MALRD1: variants seen among roughly 807,000 people sequenced by gnomAD.
MALRD1 encodes the protein MAM and LDL-receptor class A domain-containing protein 1.
MALRD1 carries 247 observed loss-of-function variants against 242.1 expected under a neutral mutation model. The observed-to-expected ratio is 1.02, with a 90% confidence interval of 0.92 to 1.13. The LOEUF (loss-of-function observed/expected upper bound fraction) is 1.13, where lower values mean the gene tolerates loss of function less well. Ranked by LOEUF, MALRD1 falls within the 50% of genes most tolerant of loss-of-function variation. MALRD1 has a pLI of 0.00. For synonymous variants in MALRD1, 995 were observed against 866.6 expected (o/e 1.15, Z -2.60); for missense variants, 2,989 against 2,533.1 (o/e 1.18, Z -3.86).
chr10:19,275,492 C>A (rs2499072), intron 19 of MALRD1, among the ~76,000 whole-genome samples: 91,787 of 151,832 alleles, frequency 0.6, 28,027 homozygotes, highest in South Asian at 0.73. Context: ...CACAGTGAAA[C>A]CCCGTCTCTA....
intron 18 of MALRD1, among the ~76,000 whole-genome samples, chr10:19,255,644 T>C (rs1839472670): frequency 6.6e-6 from 1 of 152,122 alleles, no homozygotes; most frequent in South Asian, 2.1e-4. Context: ...TTGTAATTAT[T>C]GTTCATTAAT....
rs528973266 is a variant in MALRD1, at chr10:19,158,930, T to C, written c.1656+3758T>C. Among the ~76,000 whole-genome samples the C allele has an allele frequency of 1.2e-4, 18 of 152,344 alleles. No individual in the cohort carries two copies. In the East Asian group the frequency reaches 1.3e-3, roughly 11 times the overall value. On this transcript the variant is annotated intron_variant, in intron 12 of 39. Coordinates refer to ENST00000454679, the MANE Select transcript of MALRD1 (RefSeq NM_001142308.3). ...AAAAAAGTAATTTTGGATCATGTCC[T>C]GCAATGGTGCAGTTGTGCTCTATTC...
At chr10:19,329,748 A>G (rs568317293) in intron 23 of MALRD1, among the ~76,000 whole-genome samples, 1 of 152,290 alleles carries the variant, frequency 6.6e-6, no homozygotes, top group South Asian at 2.1e-4. Context: ...AACCCTGACT[A>G]TATTCTGTCT....
chr10:19,380,957 G>A (rs112313722), intron 26 of MALRD1, among the ~76,000 whole-genome samples: 7,312 of 150,390 alleles, frequency 0.049, 343 homozygotes, highest in African/African-American at 0.12. Context: ...TGTGCACAAT[G>A]TGCAGGTTAG....
chr10:19,456,648 G>A (rs907874880), intron 29 of MALRD1, among the ~76,000 whole-genome samples: 10 of 151,998 alleles, frequency 6.6e-5, no homozygotes, highest in East Asian at 1.9e-4. Flanking sequence ...CATTCAGATC[G>A]CTCGCAGTCT....
chr10:19,118,292 C>A (rs1156811353), intron 5 of MALRD1, among the ~76,000 whole-genome samples: 2 of 152,176 alleles, frequency 1.3e-5, no homozygotes, highest in African/African-American at 4.8e-5. Flanking sequence ...TGGCTCATGA[C>A]ACAGTCCTCA....
At chr10:19,230,593 T>G (rs1838007634) in intron 18 of MALRD1, among the ~76,000 whole-genome samples, 1 of 152,100 alleles carries the variant, frequency 6.6e-6, no homozygotes, top group Non-Finnish European at 1.5e-5. Context: ...TCTCCAACAT[T>G]GGGGATCACA....
intron 36 of MALRD1, among the ~76,000 whole-genome samples, chr10:19,653,166 C>T (rs896460509): frequency 6.6e-6 from 1 of 152,016 alleles, no homozygotes; most frequent in East Asian, 1.9e-4. Context: ...GATCAGTTTC[C>T]ATCTCTTGCT....
chr10:19,117,812 T>C (rs1183263931), intron 5 of MALRD1, among the ~76,000 whole-genome samples: 2 of 152,232 alleles, frequency 1.3e-5, no homozygotes, highest in East Asian at 1.9e-4. Context: ...GTGAACATGA[T>C]GTATATTGAG....
intron 28 of MALRD1, among the ~76,000 whole-genome samples, chr10:19,412,575 A>G (rs1483389557): frequency 6.6e-6 from 1 of 152,244 alleles, no homozygotes; most frequent in Non-Finnish European, 1.5e-5. Context: ...AGAAATTAGT[A>G]TTAAAACAAA....
At chr10:19,652,054 A>T (rs1233842554) in intron 36 of MALRD1, among the ~76,000 whole-genome samples, 1 of 152,126 alleles carries the variant, frequency 6.6e-6, no homozygotes, top group Non-Finnish European at 1.5e-5. Flanking sequence ...TCAGAAGCTG[A>T]CAACTGATGA....
In MALRD1 at chr10:19,237,983, A is replaced by C. The variant is rs868618843; in HGVS notation, c.2992-19701A>C. Among the ~76,000 whole-genome samples the C allele has an allele frequency of 4.6e-3, 294 of 63,938 alleles. 2 individuals are homozygous for C. Among genetic ancestry groups the C allele is most frequent in the Non-Finnish European group, 6.7e-3 (217 of 32,366 alleles). 41.9% of individuals were successfully genotyped at this position (63,938 alleles called of 152,430 possible). A position where few individuals can be genotyped will look rare whatever the true frequency, so the allele number is the denominator to read the frequency against. The stretch of plus-strand genomic sequence containing the variant: ...TAATTTTATACAGTTATATATAATT[A>C]TATGTAATTTTATACAGTTATATAT... On this transcript the variant is annotated intron_variant, in intron 18 of 39. Coordinates refer to ENST00000454679, the MANE Select transcript of MALRD1 (RefSeq NM_001142308.3).
intron 18 of MALRD1, among the ~76,000 whole-genome samples, chr10:19,224,925 T>G (rs1837727173): frequency 1.3e-5 from 2 of 152,196 alleles, no homozygotes; most frequent in African/African-American, 2.4e-5. Flanking sequence ...GCCTATGTTC[T>G]GAATGGTATT....
At chr10:19,289,201 G>A (rs550062931) in intron 21 of MALRD1, among the ~76,000 whole-genome samples, 2 of 152,030 alleles carry the variant, frequency 1.3e-5, no homozygotes, top group South Asian at 4.1e-4. Flanking sequence ...AAGAAAAGGT[G>A]GACTAGAATT....
chr10:19,564,066 G>C (rs912460826), intron 32 of MALRD1, among the ~76,000 whole-genome samples: 2 of 152,212 alleles, frequency 1.3e-5, no homozygotes, highest in African/African-American at 4.8e-5. Flanking sequence ...GCTTCCTGGA[G>C]AGCCTGCAGA....
At chr10:19,231,625 C>T (rs576273362) in intron 18 of MALRD1, among the ~76,000 whole-genome samples, 112 of 152,294 alleles carry the variant, frequency 7.4e-4, no homozygotes, top group Middle Eastern at 3.4e-3. Context: ...CACAAGCTTT[C>T]TTCTCTGCTA....
intron 5 of MALRD1, among the ~76,000 whole-genome samples, chr10:19,111,862 C>CAGCA (rs1482947019): frequency 1.3e-5 from 2 of 152,134 alleles, no homozygotes; most frequent in Non-Finnish European, 2.9e-5. Flanking sequence ...GAGGAAAACA[C>CAGCA]AGCAGCATGA....
chr10:19,105,255 A>G (rs540356091), intron 5 of MALRD1, among the ~76,000 whole-genome samples: 1 of 152,012 alleles, frequency 6.6e-6, no homozygotes, highest in African/African-American at 2.4e-5. Flanking sequence ...GATGAGTAAG[A>G]TAATGTGGTA....
At chr10:19,279,561 A>T (rs1424728780) in intron 19 of MALRD1, among the ~76,000 whole-genome samples, 4 of 152,220 alleles carry the variant, frequency 2.6e-5, no homozygotes, top group African/African-American at 9.6e-5. Flanking sequence ...AAATTTCTAG[A>T]TGAGGATTTC....
Sources: gnomAD v4.1 joint callset for allele counts (sites outside exome capture counted in the v4.1 genomes callset) on GRCh38, gnomAD v4.1.1 for gene constraint, MANE v1.5 for transcripts, NCBI Gene and HGNC (gene_info 2026-07-23, HGNC 2026-07-21) for gene names.